Variants in RNF225 observed in about 807,000 individuals in gnomAD.
RNF225 encodes ring finger protein 225.
For missense variants in RNF225, 510 were observed against 509.8 expected (o/e 1.00, Z 0.00); for synonymous variants, 295 against 260.4 (o/e 1.13, Z -1.28).
At position 58,396,572 on chromosome 19, in the gene RNF225, G is replaced by A. The variant is rs2052401242; in HGVS notation, c.483G>A (p.Pro161=). The A allele has an allele frequency of 4.7e-6, 5 of 1,056,864 alleles. No homozygotes were observed. The highest frequency in any genetic ancestry group is 5.7e-6 in the Non-Finnish European group (5 of 879,690). 65.5% of individuals were successfully genotyped at this position (1,056,864 alleles called of 1,614,324 possible). A position where few individuals can be genotyped will look rare whatever the true frequency, so the allele number is the denominator to read the frequency against. ...GCGGCCTTCTCTACCTGCGGCCGCC[G>A]CCGCCCCCGCCCGGGCCGCGCAAGG... ...RRRGLLYLRP[P]PPPPGPRKAR... is the part of the protein sequence containing the mutation. The change falls in exon 1 of 1, where the codon CCG becomes CCA. Residue 161 remains proline (P), a synonymous_variant. Transcript: ENST00000601382.
In RNF225 at chr19:58,396,097, G is replaced by T. The variant is rs187910078; in HGVS notation, c.8G>T (p.Cys3Phe). 1.4e-4 allele frequency: 219 copies of T among 1,527,060 alleles called. No homozygotes were observed. In the African/African-American group the frequency reaches 2.5e-3, roughly 17 times the overall value. The allele number at this position is 1,527,060 out of a possible 1,614,324, so 94.6% of individuals were successfully genotyped here. MP[C>F]PRPFWLRHSR... ...CCTCCCAGGTCCATCCGGATGCCCT[G>T]CCCTCGGCCGTTCTGGCTCCGCCAT... The change falls in exon 1 of 1, where the codon TGC becomes TTC. Residue 3 changes from cysteine (C) to phenylalanine (F), a missense_variant. By Grantham distance (205) the Cys-to-Phe change is radical. Coordinates refer to ENST00000601382, the MANE Select transcript of RNF225 (RefSeq NM_001195135.2).
At position 58,396,241 on chromosome 19, in the gene RNF225, GCTCCGGCCCTATCCTGCCCCCCGC is replaced by G. The variant is rs775731952; in HGVS notation, c.157_180del (p.Gly53_Ser60del). On this transcript the variant is annotated inframe_deletion, in exon 1 of 1. Transcript: ENST00000601382. ...GAGGAGGAAGGGGACGGCAGCCCAG[GCTCCGGCCCTATCCTGCCCCCCGC>G]CTCCCCGGTGGAGTGCCTCATCTGC... 30 of 1,539,756 alleles carry G rather than the reference GCTCCGGCCCTATCCTGCCCCCCGC, an allele frequency of 1.9e-5. No individual in the cohort carries two copies. The highest frequency in any genetic ancestry group is 2.5e-5 in the Non-Finnish European group (29 of 1,149,502).
chr19:58,396,390 GGCGGCGGCAAC>G lies in RNF225; in HGVS notation c.306_316del (p.Asn104LeufsTer163), dbSNP rs1387666462. ...GGCGCGCCTATCGTTGGCCACGGCG[GGCGGCGGCAAC>G]GCGGTGGCCTGTCCGGTGTGCCGCG... On this transcript the variant is annotated frameshift_variant, in exon 1 of 1. Coordinates refer to ENST00000601382, the MANE Select transcript of RNF225 (RefSeq NM_001195135.2). LOFTEE classifies it low-confidence loss of function (END_TRUNC). 2.6e-6 allele frequency: 4 copies of G among 1,534,212 alleles called. No homozygotes were observed. Among genetic ancestry groups the G allele is most frequent in the East Asian group, 2.4e-5 (1 of 40,832 alleles).
At position 58,396,124 on chromosome 19, in the gene RNF225, C is replaced by A. The variant is rs1293893507; in HGVS notation, c.35C>A (p.Ser12Tyr). Residue 12 changes from serine (S) to tyrosine (Y), a missense_variant, in exon 1 of 1, where the codon TCC (serine) becomes TAC (tyrosine). By Grantham distance (144) the Ser-to-Tyr change is moderately radical. Coordinates refer to ENST00000601382, the MANE Select transcript of RNF225 (RefSeq NM_001195135.2). ...PCPRPFWLRH[S>Y]RAPQGSGPSS... ...CCTCGGCCGTTCTGGCTCCGCCATTCCCGGGCCCCCCAGGGCTCGGGTCCC... is the reference window on the plus strand; with the variant it reads ...CCTCGGCCGTTCTGGCTCCGCCATTACCGGGCCCCCCAGGGCTCGGGTCCC... 4.6e-6 allele frequency: 7 copies of A among 1,532,372 alleles called. No homozygotes were observed. The highest frequency in any genetic ancestry group is 6.1e-6 in the Non-Finnish European group (7 of 1,145,814). The allele number at this position is 1,532,372 out of a possible 1,614,324, so 94.9% of individuals were successfully genotyped here.
In RNF225 at chr19:58,396,195, G is replaced by T; in HGVS notation, c.106G>T (p.Glu36Ter). Residue 36 changes from glutamate to a stop codon, truncating the protein, a stop_gained, in exon 1 of 1, where the codon GAA becomes TAA. Transcript: ENST00000601382. LOFTEE classifies it low-confidence loss of function (END_TRUNC). ...LSAPRSPSRG[E>*]DQEEEEEEEG... ...TGCGCCCCGCTCCCCAAGCAGAGGG[G>T]AAGACCAGGAGGAGGAGGAGGAGGA... The T allele has an allele frequency of 1.9e-6, 3 of 1,543,292 alleles. No homozygotes were observed. The highest frequency in any genetic ancestry group is 2.6e-6 in the Non-Finnish European group (3 of 1,151,488).
rs1181467144 is a variant in RNF225, at chr19:58,396,806, C to T, written c.717C>T (p.Leu239=). Reference sequence around the variant, plus strand: ...CCCCGCGGCCCCAGCTCGTGGCGCTCGCTCCAGCGCCTGGCTTCTCTTGGT... The same window carrying T: ...CCCCGCGGCCCCAGCTCGTGGCGCTTGCTCCAGCGCCTGGCTTCTCTTGGT... ...SGPPRPQLVA[L]APAPGFSWFP... Residue 239 remains leucine (L), a synonymous_variant, in exon 1 of 1, where the codon CTC becomes CTT. Transcript: ENST00000601382. The T allele has an allele frequency of 5.9e-6, 9 of 1,519,766 alleles. No individual in the cohort carries two copies. The highest frequency in any genetic ancestry group is 1.4e-5 in the African/African-American group (1 of 69,628). The allele number at this position is 1,519,766 out of a possible 1,614,324, so 94.1% of individuals were successfully genotyped here.
In RNF225 at chr19:58,395,743, C is replaced by G. The variant is rs1348896726; in HGVS notation, c.-347C>G. 6.7e-6 allele frequency among the ~76,000 whole-genome samples: 1 copy of G among 148,384 alleles called. No homozygotes were observed. Among genetic ancestry groups the G allele is most frequent in the Non-Finnish European group, 1.5e-5 (1 of 67,942 alleles). On this transcript the variant is annotated 5_prime_UTR_variant, in exon 1 of 1. Transcript: ENST00000601382. ...AGGCTGGCTGCGGTCTGTCATTACT[C>G]TGTGGGGGGTGCCTATCTCTGCTCC...
At position 58,396,098 on chromosome 19, in the gene RNF225, C is replaced by T. The variant is rs1467542604; in HGVS notation, c.9C>T (p.Cys3=). 1.3e-6 allele frequency: 2 copies of T among 1,527,228 alleles called. No homozygotes were observed. Among genetic ancestry groups the T allele is most frequent in the Non-Finnish European group, 1.7e-6 (2 of 1,143,548 alleles). The allele number at this position is 1,527,228 out of a possible 1,614,324, so 94.6% of individuals were successfully genotyped here. The change falls in exon 1 of 1, where the codon TGC becomes TGT. Residue 3 remains cysteine (C), a synonymous_variant. Coordinates refer to ENST00000601382, the MANE Select transcript of RNF225 (RefSeq NM_001195135.2). MP[C]PRPFWLRHSR... ...CTCCCAGGTCCATCCGGATGCCCTG[C>T]CCTCGGCCGTTCTGGCTCCGCCATT...
At position 58,396,070 on chromosome 19, in the gene RNF225, C is replaced by A. The variant is rs965819249; in HGVS notation, c.-20C>A. 2 of 1,487,980 alleles carry A rather than the reference C, an allele frequency of 1.3e-6. No individual in the cohort carries two copies. The highest frequency in any genetic ancestry group is 1.8e-6 in the Non-Finnish European group (2 of 1,127,842). 92.2% of individuals were successfully genotyped at this position (1,487,980 alleles called of 1,614,324 possible). The stretch of plus-strand genomic sequence containing the variant: ...CGCCTCCTTCCCTGCCTGACCTCCT[C>A]TCCTCCCAGGTCCATCCGGATGCCC... On this transcript the variant is annotated 5_prime_UTR_variant, in exon 1 of 1. Coordinates refer to ENST00000601382, the MANE Select transcript of RNF225 (RefSeq NM_001195135.2).
Position 58,397,070 on chromosome 19 carries a change from C to T in RNF225, c.981C>T (p.Gly327=). The T allele has an allele frequency of 2.6e-6, 4 of 1,518,832 alleles. No homozygotes were observed. Among genetic ancestry groups the T allele is most frequent in the Admixed American group, 2.1e-5 (1 of 48,424 alleles). The allele number at this position is 1,518,832 out of a possible 1,614,324, so 94.1% of individuals were successfully genotyped here. A position where few individuals can be genotyped will look rare whatever the true frequency, so the allele number is the denominator to read the frequency against. Residue 327 remains glycine (G), a synonymous_variant, in exon 1 of 1, where the codon GGC becomes GGT. Transcript: ENST00000601382. ...CACGGGGCGCGAGGAGGCTGTGGGG[C>T]TCACAATAAGTGCGCCAGTACTGCA... ...PWPRGARRLW[G]SQ is the part of the protein sequence containing the mutation.
Position 58,396,746 on chromosome 19 carries a change from C to T in RNF225, c.657C>T (p.Ile219=). ...GCCTCGTGGTCTCGGGCGTCTACAT[C>T]TTCTTCCTCATCCCGCACGCCACCT... is the stretch of plus-strand genomic sequence containing the variant. ...AAGLVVSGVY[I]FFLIPHATSS... is the part of the protein sequence containing the mutation. The change falls in exon 1 of 1, where the codon ATC becomes ATT. Residue 219 remains isoleucine, a synonymous_variant. Transcript: ENST00000601382. 6.6e-7 allele frequency: 1 copy of T among 1,510,990 alleles called. No homozygotes were observed. Among genetic ancestry groups the T allele is most frequent in the South Asian group, 1.2e-5 (1 of 81,918 alleles). 93.6% of individuals were successfully genotyped at this position (1,510,990 alleles called of 1,614,324 possible). A position where few individuals can be genotyped will look rare whatever the true frequency, so the allele number is the denominator to read the frequency against.
rs1414612171 is a variant in RNF225 at position 58,397,007 on chromosome 19, G to A, written c.918G>A (p.Thr306=). The change falls in exon 1 of 1, where the codon ACG becomes ACA. Residue 306 remains threonine, a synonymous_variant. Transcript: ENST00000601382. The part of the protein sequence containing the change: ...ERTLDRRSDG[T]WGTEAGPGWA... ...CGCTGGACAGGCGATCGGATGGCAC[G>A]TGGGGCACAGAGGCTGGCCCCGGCT... 25 of 1,533,976 alleles carry A rather than the reference G, an allele frequency of 1.6e-5. No homozygotes were observed. Among genetic ancestry groups the A allele is most frequent in the East Asian group, 2.4e-5 (1 of 40,866 alleles).
rs2052404384 is a variant in RNF225 at position 58,396,906 on chromosome 19, A to G, written c.817A>G (p.Thr273Ala). ...TPRPTGPDLD[T>A]ALPGTAEDAL... ...GCGCCCCACGGGCCCTGACCTGGAC[A>G]CGGCCCTGCCAGGAACTGCAGAAGA... is the stretch of plus-strand genomic sequence containing the variant. Residue 273 changes from threonine (T) to alanine (A), a missense_variant, in exon 1 of 1, where the codon ACG becomes GCG. Physicochemically the swap from Thr to Ala is moderately conservative, Grantham distance 58. Transcript: ENST00000601382. The G allele has an allele frequency of 1.3e-6, 2 of 1,533,718 alleles. No individual in the cohort carries two copies. The highest frequency in any genetic ancestry group is 8.7e-7 in the Non-Finnish European group (1 of 1,146,088).
Position 58,396,546 on chromosome 19 carries a change from CGCGGCCTTCTCTACCT to C in RNF225, c.464_479del (p.Leu155ArgfsTer?). On this transcript the variant is annotated frameshift_variant, in exon 1 of 1. Coordinates refer to ENST00000601382, the MANE Select transcript of RNF225 (RefSeq NM_001195135.2). LOFTEE classifies it low-confidence loss of function (END_TRUNC). ...GGGCTCCGTGCGCTTCGACCGGCGC[CGCGGCCTTCTCTACCT>C]GCGGCCGCCGCCGCCCCCGCCCGGG... is the stretch of plus-strand genomic sequence containing the variant. 2 of 1,167,832 alleles carry C rather than the reference CGCGGCCTTCTCTACCT, an allele frequency of 1.7e-6. No individual in the cohort carries two copies. Among genetic ancestry groups the C allele is most frequent in the Non-Finnish European group, 2.1e-6 (2 of 948,968 alleles). 72.3% of individuals were successfully genotyped at this position (1,167,832 alleles called of 1,614,324 possible).
Position 58,396,575 on chromosome 19 carries a change from G to A in RNF225, c.486G>A (p.Pro162=). ...GCCTTCTCTACCTGCGGCCGCCGCC[G>A]CCCCCGCCCGGGCCGCGCAAGGCCC... is the stretch of plus-strand genomic sequence containing the variant. ...RRGLLYLRPP[P]PPPGPRKARA... is the part of the protein sequence containing the mutation. Residue 162 remains proline (P), a synonymous_variant, in exon 1 of 1, where the codon CCG becomes CCA. Coordinates refer to ENST00000601382, the MANE Select transcript of RNF225 (RefSeq NM_001195135.2). The A allele has an allele frequency of 7.6e-6, 8 of 1,054,058 alleles. No homozygotes were observed. The highest frequency in any genetic ancestry group is 9.1e-6 in the Non-Finnish European group (8 of 878,044). 65.3% of individuals were successfully genotyped at this position (1,054,058 alleles called of 1,614,324 possible). A position where few individuals can be genotyped will look rare whatever the true frequency, so the allele number is the denominator to read the frequency against.
rs1263763423 is a variant in RNF225 at position 58,396,322 on chromosome 19, C to T, written c.233C>T (p.Pro78Leu). The T allele has an allele frequency of 3.3e-6, 5 of 1,535,760 alleles. No individual in the cohort carries two copies. Among genetic ancestry groups the T allele is most frequent in the Non-Finnish European group, 4.4e-6 (5 of 1,146,786 alleles). ...TCCTTCGACGGCGTGTTCAAGCTGC[C>T]CAAGCGCCTGGACTGCGGCCACGTC... The part of the protein sequence containing the change: ...VSSFDGVFKL[P>L]KRLDCGHVFC... The change falls in exon 1 of 1, where the codon CCC becomes CTC. Residue 78 changes from proline to leucine, a missense_variant. Physicochemically the swap from Pro to Leu is moderately conservative, Grantham distance 98. Transcript: ENST00000601382.
rs1055669359 is a variant in RNF225 at position 58,396,563 on chromosome 19, G to A, written c.474G>A (p.Leu158=). The A allele has an allele frequency of 7.3e-6, 8 of 1,098,194 alleles. No individual in the cohort carries two copies. Among genetic ancestry groups the A allele is most frequent in the African/African-American group, 1.7e-5 (1 of 59,662 alleles). 68.0% of individuals were successfully genotyped at this position (1,098,194 alleles called of 1,614,324 possible). A position where few individuals can be genotyped will look rare whatever the true frequency, so the allele number is the denominator to read the frequency against. The change falls in exon 1 of 1, where the codon CTG becomes CTA. Residue 158 remains leucine, a synonymous_variant. Coordinates refer to ENST00000601382, the MANE Select transcript of RNF225 (RefSeq NM_001195135.2). Reference sequence around the variant, plus strand: ...ACCGGCGCCGCGGCCTTCTCTACCTGCGGCCGCCGCCGCCCCCGCCCGGGC... The same window carrying A: ...ACCGGCGCCGCGGCCTTCTCTACCTACGGCCGCCGCCGCCCCCGCCCGGGC... The part of the protein sequence containing the change: ...RFDRRRGLLY[L]RPPPPPPGPR...
In RNF225 at chr19:58,395,923, C is replaced by G. The variant is rs1171416481; in HGVS notation, c.-167C>G. Among the ~76,000 whole-genome samples the G allele has an allele frequency of 2.0e-5, 3 of 152,168 alleles. No homozygotes were observed. The highest frequency in any genetic ancestry group is 7.2e-5 in the African/African-American group (3 of 41,442). On this transcript the variant is annotated 5_prime_UTR_variant, in exon 1 of 1. Transcript: ENST00000601382. ...CTCGGGCCTCCCCATCTCCCCTGCT[C>G]CTCGACGCTAGCTACACCCTTCTCG... is the stretch of plus-strand genomic sequence containing the variant.
Position 58,396,621 on chromosome 19 carries a change from C to G in RNF225, c.532C>G (p.Pro178Ala). ...RKARAPPPPP[P>A]LRLGRPLSRR... ...GGCCCGCGCCCCGCCGCCCCCGCCG[C>G]CTCTGCGCCTGGGCCGCCCGCTGTC... The change falls in exon 1 of 1, where the codon CCT (proline) becomes GCT (alanine). Residue 178 changes from proline to alanine, a missense_variant. Pro to Ala is a conservative substitution (Grantham distance 27). Transcript: ENST00000601382. 4 of 1,279,954 alleles carry G rather than the reference C, an allele frequency of 3.1e-6. No homozygotes were observed. Among genetic ancestry groups the G allele is most frequent in the Non-Finnish European group, 3.9e-6 (4 of 1,015,628 alleles). The allele number at this position is 1,279,954 out of a possible 1,614,324, so 79.3% of individuals were successfully genotyped here. A position where few individuals can be genotyped will look rare whatever the true frequency, so the allele number is the denominator to read the frequency against.
Sources: gnomAD v4.1 joint callset for allele counts (sites outside exome capture counted in the v4.1 genomes callset) on GRCh38, gnomAD v4.1.1 for gene constraint, MANE v1.5 for transcripts, NCBI Gene and HGNC (gene_info 2026-07-23, HGNC 2026-07-21) for gene names.